NCKAP5: variants seen among roughly 807,000 people sequenced by gnomAD.
The protein encoded by NCKAP5 is nck-associated protein 5.
A neutral mutation model predicts 167.0 loss-of-function variants in NCKAP5; 92 were observed. The ratio of observed to expected loss-of-function variants is 0.55; its 90% CI spans 0.47 to 0.66. The LOEUF is 0.66. Ranked by LOEUF, NCKAP5 falls within the 30% of genes least tolerant of loss-of-function variation. The pLI is 0.00. For synonymous variants in NCKAP5, 891 were observed against 877.4 expected (o/e 1.02, Z -0.27); for missense variants, 2,378 against 2,315.0 (o/e 1.03, Z -0.56).
In NCKAP5 at chr2:133,410,842, G is replaced by A. The variant is rs531574761; in HGVS notation, c.69+106616C>T. ...ATGTTAGATGCTTTTAAAAACTACT[G>A]ATACTTAAACTCTCTAACCACCCCA... On this transcript the variant is annotated intron_variant, in intron 3 of 19. Transcript: ENST00000409261. 6.2e-4 allele frequency among the ~76,000 whole-genome samples: 94 copies of A among 152,260 alleles called. 1 individual carries two copies. The highest frequency in any genetic ancestry group is 2.3e-3 in the African/African-American group (94 of 41,562).
intron 6 of NCKAP5, among the ~76,000 whole-genome samples, chr2:133,033,652 T>C (rs1363716895): frequency 1.3e-5 from 2 of 152,048 alleles, no homozygotes; most frequent in Non-Finnish European, 2.9e-5. Flanking sequence ...TCAGATAAAT[T>C]TAGCAAAGAG....
chr2:132,954,309 TTGGAGCATG>T (rs1052715928), intron 8 of NCKAP5, among the ~76,000 whole-genome samples: 1 of 152,204 alleles, frequency 6.6e-6, no homozygotes, highest in Admixed American at 6.5e-5. Context: ...TGGTGGCCCC[TTGGAGCATG>T]TGGGTTGGGT....
chr2:133,206,571 G>A (rs1412341460), intron 5 of NCKAP5, among the ~76,000 whole-genome samples: 1 of 152,132 alleles, frequency 6.6e-6, no homozygotes, highest in East Asian at 1.9e-4. Context: ...TGTACAAACT[G>A]ATTGCAGAAC....
chr2:133,112,205 TG>T (rs1315792443), intron 6 of NCKAP5, among the ~76,000 whole-genome samples: 1 of 152,204 alleles, frequency 6.6e-6, no homozygotes, highest in African/African-American at 2.4e-5. Context: ...TATGGCGTGG[TG>T]GCTCACACCT....
chr2:132,781,038 G>C lies in NCKAP5; in HGVS notation c.5049+14C>G, dbSNP rs765774095. ...AGATTGTAGCACTTGATACCAGGAT[G>C]GTGGAGCACTTACCAGGGAGTCTTT... is the stretch of plus-strand genomic sequence containing the variant. On this transcript the variant is annotated intron_variant, in intron 15 of 19. Transcript: ENST00000409261. 1.2e-6 allele frequency: 2 copies of C among 1,611,540 alleles called. No individual in the cohort carries two copies. The highest frequency in any genetic ancestry group is 1.7e-6 in the Non-Finnish European group (2 of 1,178,688).
chr2:133,270,292 G>A (rs996353610), intron 4 of NCKAP5, among the ~76,000 whole-genome samples: 4 of 152,114 alleles, frequency 2.6e-5, no homozygotes, highest in African/African-American at 7.2e-5. Context: ...GAATTTTATT[G>A]TACGTAAACT....
the NCKAP5 span, among the ~76,000 whole-genome samples, chr2:133,612,895 A>G: frequency 3.9e-5 from 6 of 152,172 alleles, no homozygotes; most frequent in African/African-American, 1.4e-4. Flanking sequence ...CTTGCACTGA[A>G]CATCTACCAC....
chr2:132,726,673 A>G (rs1430629117), intron 18 of NCKAP5, among the ~76,000 whole-genome samples: 1 of 152,202 alleles, frequency 6.6e-6, no homozygotes, highest in Non-Finnish European at 1.5e-5. Context: ...GTAAAAACAC[A>G]TTTTAGGATG....
At chr2:133,082,703 A>G (rs1344120703) in intron 6 of NCKAP5, among the ~76,000 whole-genome samples, 1 of 152,086 alleles carries the variant, frequency 6.6e-6, no homozygotes, top group East Asian at 1.9e-4. Context: ...TACTCGGAAA[A>G]TAACTGTCCC....
chr2:133,048,790 A>C (rs1295313412), intron 6 of NCKAP5, among the ~76,000 whole-genome samples: 1 of 152,214 alleles, frequency 6.6e-6, no homozygotes, highest in Non-Finnish European at 1.5e-5. Context: ...TTCAATTTCT[A>C]AGATGATTTT....
intron 8 of NCKAP5, among the ~76,000 whole-genome samples, chr2:132,887,373 A>ATCTT (rs1395658363): frequency 1.3e-5 from 2 of 150,730 alleles, no homozygotes; most frequent in Non-Finnish European, 3.0e-5. Context: ...CTTTCCATCC[A>ATCTT]TCCATCCATC....
intron 11 of NCKAP5, among the ~76,000 whole-genome samples, chr2:132,849,962 G>A (rs896355415): frequency 1.5e-4 from 23 of 152,282 alleles, no homozygotes; most frequent in African/African-American, 5.1e-4. Flanking sequence ...AGGACTCCTG[G>A]AATCGAGCCG....
At chr2:133,210,385 T>C (rs1335790065) in intron 5 of NCKAP5, among the ~76,000 whole-genome samples, 1 of 151,622 alleles carries the variant, frequency 6.6e-6, no homozygotes, top group Non-Finnish European at 1.5e-5. Flanking sequence ...TCAATTTAAT[T>C]ATATAGCTTT....
the NCKAP5 span, among the ~76,000 whole-genome samples, chr2:133,656,840 T>C: frequency 1.1e-4 from 16 of 152,166 alleles, no homozygotes; most frequent in Admixed American, 2.0e-4. Flanking sequence ...AGCTCTTTAG[T>C]GGTGATTTGT....
At chr2:132,743,074 G>T (rs1679342123) in intron 16 of NCKAP5, among the ~76,000 whole-genome samples, 1 of 150,736 alleles carries the variant, frequency 6.6e-6, no homozygotes, top group South Asian at 2.1e-4. Context: ...ATGTGCACAT[G>T]CACACACACA....
intron 17 of NCKAP5, among the ~76,000 whole-genome samples, chr2:132,731,149 G>A (rs1690966616): frequency 6.6e-6 from 1 of 152,196 alleles, no homozygotes; most frequent in South Asian, 2.1e-4. Context: ...AGGGAACAAT[G>A]AAAAACTGAT....
chr2:133,395,833 A>C (rs1475281304), intron 3 of NCKAP5, among the ~76,000 whole-genome samples: 2 of 151,930 alleles, frequency 1.3e-5, no homozygotes, highest in East Asian at 3.9e-4. Flanking sequence ...TTTTGTAGAG[A>C]TGGGTTCCCT....
At chr2:132,811,582 G>T (rs751662680) in intron 11 of NCKAP5, among the ~76,000 whole-genome samples, 2 of 152,144 alleles carry the variant, frequency 1.3e-5, no homozygotes, top group Non-Finnish European at 2.9e-5. Context: ...CCTAAGGGCC[G>T]GTCTCACTAC....
At chr2:133,414,116 C>A (rs143387983) in intron 3 of NCKAP5, among the ~76,000 whole-genome samples, 1 of 152,148 alleles carries the variant, frequency 6.6e-6, no homozygotes, top group Non-Finnish European at 1.5e-5. Flanking sequence ...CTAAATGTCA[C>A]GCCACAGCAA....
Sources: allele counts gnomAD v4.1 joint callset (sites outside exome capture counted in the v4.1 genomes callset), GRCh38; gene constraint gnomAD v4.1.1; transcripts MANE v1.5; gene names NCBI Gene and HGNC (gene_info 2026-07-23, HGNC 2026-07-21).